The following DCBLD1 variants were observed in gnomAD, a reference collection of about 807,000 sequenced individuals.
DCBLD1 encodes discoidin, CUB and LCCL domain-containing protein 1.
Under a neutral mutation model 71.5 loss-of-function variants are expected in DCBLD1, and 57 were observed. The ratio of observed to expected loss-of-function variants is 0.80; its 90% CI spans 0.64 to 0.99. DCBLD1 has a LOEUF of 0.99. Among genes scored for constraint, DCBLD1 ranks in the 50% least tolerant of loss-of-function variants. The pLI, the probability that DCBLD1 is intolerant of heterozygous loss-of-function variation, is 0.00. For synonymous variants in DCBLD1, 380 were observed against 363.8 expected, an observed-to-expected ratio of 1.04 and a Z score of -0.51; for missense variants, 891 against 923.5, an observed-to-expected ratio of 0.96 and a Z score of 0.46.
At chr6:117,539,468 T>C in intron 9 of DCBLD1, 89 bp downstream of exon 9, 1 of 1,422,536 alleles carries the variant, frequency 7.0e-7, no homozygotes, top group South Asian at 1.4e-5. Context: ...AATATCTCAT[T>C]AATAAAAGAC....
At chr6:117,525,848 C>T (rs1291722835) in intron 5 of DCBLD1, among the ~76,000 whole-genome samples, 3 of 152,274 alleles carry the variant, frequency 2.0e-5, no homozygotes, top group South Asian at 4.1e-4. Flanking sequence ...TGCTCTTATT[C>T]GCCTTTCTCT....
rs146886264 is a variant in DCBLD1, at chr6:117,498,347, C to G, written c.113-5420C>G. ...TCTACAGTTGAGAGGAGCTTTCAGT[C>G]TAGAAGAGGAGGAAATGATACTTAG... On this transcript the variant is annotated intron_variant, in intron 1 of 14. Transcript: ENST00000338728. Among the ~76,000 whole-genome samples the G allele has an allele frequency of 5.3e-3, 803 of 152,018 alleles. 8 individuals are homozygous for G. Among genetic ancestry groups the G allele is most frequent in the African/African-American group, 0.018 (742 of 41,340 alleles).
intron 14 of DCBLD1, chr6:117,547,662 C>T (rs1458513978): frequency 6.5e-6 from 5 of 768,888 alleles, no homozygotes; most frequent in South Asian, 2.9e-5. Context: ...TGCCCCAGGA[C>T]GTCGTCGTCG....
intron 1 of DCBLD1, among the ~76,000 whole-genome samples, chr6:117,494,018 CATT>C (rs1434429096): frequency 5.8e-4 from 89 of 152,240 alleles, no homozygotes; most frequent in Admixed American, 4.8e-3. Context: ...TAAAAACTAT[CATT>C]ATCAGATATG....
intron 11 of DCBLD1, among the ~76,000 whole-genome samples, chr6:117,541,583 G>A (rs1356372011): frequency 2.0e-5 from 3 of 152,068 alleles, no homozygotes; most frequent in African/African-American, 4.8e-5. Flanking sequence ...GAACATATAA[G>A]TATATAATCT....
At chr6:117,533,387 A>G (rs887024456) in intron 6 of DCBLD1, among the ~76,000 whole-genome samples, 12 of 152,034 alleles carry the variant, frequency 7.9e-5, no homozygotes, top group Non-Finnish European at 1.6e-4. Flanking sequence ...ACATGGTCGT[A>G]TTTTGCTGTT....
rs77912122 is a variant in DCBLD1 at position 117,493,627 on chromosome 6, A to G, written c.113-10140A>G. Among the ~76,000 whole-genome samples the G allele has an allele frequency of 6.2e-4, 95 of 152,314 alleles. 1 individual carries two copies. The East Asian group carries it at 0.014, about 23-fold the overall frequency. On this transcript the variant is annotated intron_variant, in intron 1 of 14. Coordinates refer to ENST00000338728, the MANE Select transcript of DCBLD1 (RefSeq NM_001366458.2). ...CTCAGCAGTAATGTGAGATTGGGCA[A>G]TGTCTTAAATATCGCTACCTCAGTT...
downstream of DCBLD1, among the ~76,000 whole-genome samples, chr6:117,553,150 A>G (rs2114586152): frequency 6.6e-6 from 1 of 152,118 alleles, no homozygotes; most frequent in East Asian, 1.9e-4. Flanking sequence ...TCACTCCTCA[A>G]CGCTTTTATT....
chr6:117,510,605 A>G (rs2114453301), intron 2 of DCBLD1, among the ~76,000 whole-genome samples: 1 of 152,286 alleles, frequency 6.6e-6, no homozygotes. Flanking sequence ...CCTAATATTT[A>G]GCATCGTCTT....
intron 2 of DCBLD1, among the ~76,000 whole-genome samples, chr6:117,506,611 C>T (rs1273531901): frequency 1.3e-5 from 2 of 152,150 alleles, no homozygotes; most frequent in Non-Finnish European, 2.9e-5. Context: ...TCCAGGAATG[C>T]AGAAGGAGGA....
intron 1 of DCBLD1, among the ~76,000 whole-genome samples, chr6:117,503,350 A>G (rs1050876516): frequency 6.6e-6 from 1 of 152,242 alleles, no homozygotes; most frequent in Non-Finnish European, 1.5e-5. Context: ...TCTGTACATT[A>G]TCTCATTTAA....
intron 2 of DCBLD1, among the ~76,000 whole-genome samples, chr6:117,506,773 G>A (rs1195830366): frequency 6.6e-6 from 1 of 152,258 alleles, no homozygotes; most frequent in Non-Finnish European, 1.5e-5. Context: ...GCAGAGGCAA[G>A]GCCCTAGTGC....
chr6:117,502,346 C>T (rs1159244102), intron 1 of DCBLD1, among the ~76,000 whole-genome samples: 1 of 152,226 alleles, frequency 6.6e-6, no homozygotes, highest in Non-Finnish European at 1.5e-5. Context: ...ATTCAGCCCT[C>T]TGTCAGGGGC....
chr6:117,505,972 T>C (rs1422875186), intron 2 of DCBLD1, among the ~76,000 whole-genome samples: 1 of 152,204 alleles, frequency 6.6e-6, no homozygotes, highest in Non-Finnish European at 1.5e-5. Context: ...TGCAATTCAT[T>C]CGCAGCAATA....
chr6:117,517,696 C>T (rs1466982216), intron 2 of DCBLD1, among the ~76,000 whole-genome samples: 1 of 152,224 alleles, frequency 6.6e-6, no homozygotes, highest in East Asian at 1.9e-4. Context: ...GCAGGCTCAA[C>T]ACCACATGGA....
chr6:117,515,017 T>TG (rs368240847), intron 2 of DCBLD1, among the ~76,000 whole-genome samples: 17,316 of 141,864 alleles, frequency 0.12, 1,258 homozygotes, highest in Middle Eastern at 0.17. Context: ...TTACAGTTTG[T>TG]GGGTTTTTTT....
intron 1 of DCBLD1, among the ~76,000 whole-genome samples, chr6:117,501,491 G>T (rs942713168): frequency 2.6e-5 from 4 of 152,024 alleles, no homozygotes; most frequent in Non-Finnish European, 5.9e-5. Context: ...GCGCTACCAT[G>T]CCCAGCTAAT....
chr6:117,561,549 GT>G (rs1025640033), intron 14 of DCBLD1: 22 of 213,034 alleles, frequency 1.0e-4, no homozygotes, highest in Middle Eastern at 1.5e-3. Context: ...GAAGGTATGT[GT>G]TTGGCATAGG....
At chr6:117,537,319 G>C in intron 7 of DCBLD1, 94 bp downstream of exon 7, 1 of 1,172,764 alleles carries the variant, frequency 8.5e-7, no homozygotes, top group Admixed American at 1.8e-5. Flanking sequence ...CGGATCATGA[G>C]GTCAGGAGAT....
Sources: allele counts gnomAD v4.1 joint callset (sites outside exome capture counted in the v4.1 genomes callset), GRCh38; gene constraint gnomAD v4.1.1; transcripts MANE v1.5; gene names NCBI Gene and HGNC (gene_info 2026-07-23, HGNC 2026-07-21).